MYO3A: variants seen among roughly 807,000 people sequenced by gnomAD.
MYO3A encodes the protein myosin-IIIa.
In MYO3A, 180 loss-of-function variants were observed where a neutral mutation model predicts 192.7. That is an observed-to-expected ratio of 0.93 (90% CI 0.83 to 1.06). The LOEUF is 1.06. MYO3A is among the 50% of genes least tolerant of loss of function. MYO3A has a pLI of 0.00. For missense variants in MYO3A, 1,896 were observed against 1,905.0 expected (o/e 1.00, Z 0.09); for synonymous variants, 628 against 645.3 (o/e 0.97, Z 0.41).
chr10:26,057,990 A>G (rs1834218431), intron 10 of MYO3A, among the ~76,000 whole-genome samples: 1 of 152,198 alleles, frequency 6.6e-6, no homozygotes, highest in Admixed American at 6.5e-5. Flanking sequence ...ACACATCCCT[A>G]TCATCCAGAG....
At chr10:26,049,271 C>T (rs371198655) in intron 10 of MYO3A, among the ~76,000 whole-genome samples, 3 of 152,096 alleles carry the variant, frequency 2.0e-5, no homozygotes, top group East Asian at 3.9e-4. Context: ...CATGAGAAAA[C>T]ATCCAAAGAG....
chr10:26,143,339 C>G, intron 20 of MYO3A, 109 bp from the exon 21 acceptor site: 1 of 1,186,126 alleles, frequency 8.4e-7, no homozygotes. Context: ...ACAAAAAAAG[C>G]AAGGTCAAAG....
At chr10:26,029,583 A>G (rs552836354) in intron 10 of MYO3A, among the ~76,000 whole-genome samples, 12 of 152,252 alleles carry the variant, frequency 7.9e-5, no homozygotes, top group African/African-American at 2.9e-4. Flanking sequence ...ATACATCAAC[A>G]TCTATAGTTT....
chr10:26,181,661 C>G (rs559316804), intron 31 of MYO3A, among the ~76,000 whole-genome samples: 1 of 150,004 alleles, frequency 6.7e-6, no homozygotes, highest in South Asian at 2.1e-4. Context: ...ATCAAAATTG[C>G]AAGTATGAAA....
At chr10:25,990,000 G>A (rs1839911723) in intron 4 of MYO3A, among the ~76,000 whole-genome samples, 1 of 152,168 alleles carries the variant, frequency 6.6e-6, no homozygotes, top group Non-Finnish European at 1.5e-5. Flanking sequence ...ACGTTCTCTT[G>A]TTCCAGGGCC....
chr10:26,138,049 G>T (rs1281771441), intron 20 of MYO3A, among the ~76,000 whole-genome samples: 1 of 152,198 alleles, frequency 6.6e-6, no homozygotes, highest in African/African-American at 2.4e-5. Context: ...CCCTTGTCCT[G>T]TTTCCTCAGA....
At chr10:26,019,865 A>G (rs979240045) in intron 7 of MYO3A, among the ~76,000 whole-genome samples, 27 of 152,306 alleles carry the variant, frequency 1.8e-4, no homozygotes, top group Admixed American at 1.5e-3. Flanking sequence ...TTGCCACATG[A>G]ATTTTTAATG....
At chr10:26,170,140 A>G (rs1317434899) in intron 28 of MYO3A, among the ~76,000 whole-genome samples, 1 of 152,248 alleles carries the variant, frequency 6.6e-6, no homozygotes, top group East Asian at 1.9e-4. Context: ...TAAGCAAATG[A>G]GCACACTTTG....
intron 31 of MYO3A, among the ~76,000 whole-genome samples, chr10:26,178,346 G>A (rs1393960739): frequency 6.6e-6 from 1 of 152,156 alleles, no homozygotes; most frequent in Non-Finnish European, 1.5e-5. Context: ...CAGGTCAGGA[G>A]TTCAAGACCA....
At chr10:26,166,040 C>T (rs2131990084) in intron 26 of MYO3A, 27 bp from the exon 27 acceptor site, 1 of 1,588,210 alleles carries the variant, frequency 6.3e-7, no homozygotes, top group Non-Finnish European at 8.6e-7. Context: ...TTATGCAATA[C>T]TAACCAGCCC....
intron 6 of MYO3A, among the ~76,000 whole-genome samples, chr10:26,011,766 GC>G (rs1841677264): frequency 6.6e-6 from 1 of 152,140 alleles, no homozygotes; most frequent in Non-Finnish European, 1.5e-5. Context: ...ATTCTATGAA[GC>G]TAGTATCACC....
chr10:26,048,352 CTTGT>C (rs144298456), intron 10 of MYO3A, among the ~76,000 whole-genome samples: 4,494 of 148,792 alleles, frequency 0.03, 213 homozygotes, highest in African/African-American at 0.1. Context: ...ATAAATACAG[CTTGT>C]TTTTTTTTTT....
At chr10:25,938,284 C>T (rs1453893335) in intron 2 of MYO3A, among the ~76,000 whole-genome samples, 1 of 152,112 alleles carries the variant, frequency 6.6e-6, no homozygotes, top group African/African-American at 2.4e-5. Flanking sequence ...ACAACAGGTC[C>T]TGGGGCAGAA....
intron 25 of MYO3A, among the ~76,000 whole-genome samples, chr10:26,155,407 TG>T (rs1841057882): frequency 6.6e-6 from 1 of 152,232 alleles, no homozygotes; most frequent in Non-Finnish European, 1.5e-5. Flanking sequence ...TTTTTTCCTC[TG>T]TGCTCTAGAT....
At chr10:26,054,487 C>A (rs1844198133) in intron 10 of MYO3A, among the ~76,000 whole-genome samples, 1 of 152,110 alleles carries the variant, frequency 6.6e-6, no homozygotes, top group South Asian at 2.1e-4. Context: ...TTCCATTTGC[C>A]TTTCTAGATT....
chr10:26,097,187 T>C (rs1340392808), intron 17 of MYO3A, among the ~76,000 whole-genome samples: 5 of 152,094 alleles, frequency 3.3e-5, no homozygotes, highest in Non-Finnish European at 5.9e-5. Flanking sequence ...GCAATTAGCA[T>C]ATTTCTGATG....
chr10:26,075,442 A>C (rs534228108), intron 14 of MYO3A, among the ~76,000 whole-genome samples: 3 of 151,278 alleles, frequency 2.0e-5, no homozygotes, highest in African/African-American at 7.3e-5. Context: ...GTTCTTCCCC[A>C]CAAGTACCCA....
At chr10:26,201,558 C>A (rs909239099) in intron 33 of MYO3A, among the ~76,000 whole-genome samples, 1 of 151,454 alleles carries the variant, frequency 6.6e-6, no homozygotes, top group Non-Finnish European at 1.5e-5. Flanking sequence ...TAGTGGCAGG[C>A]GCCTGTAGTC....
intron 10 of MYO3A, among the ~76,000 whole-genome samples, chr10:26,060,192 G>A (rs191931437): frequency 1.1e-4 from 17 of 152,256 alleles, no homozygotes; most frequent in African/African-American, 4.1e-4. Flanking sequence ...CCGGGAGGCA[G>A]AGGTTGTGGT....
Sources: allele counts gnomAD v4.1 joint callset (sites outside exome capture counted in the v4.1 genomes callset), GRCh38; gene constraint gnomAD v4.1.1; transcripts MANE v1.5; gene names NCBI Gene and HGNC (gene_info 2026-07-23, HGNC 2026-07-21).